The following MIB1 variants were observed in gnomAD, a reference collection of about 807,000 sequenced individuals.
MIB1 encodes MIB E3 ubiquitin protein ligase 1, also known as E3 ubiquitin-protein ligase MIB1.
Under a neutral mutation model 124.5 loss-of-function variants are expected in MIB1, and 278 were observed. That is an observed-to-expected ratio of 2.23 (90% CI 2.02 to 2.47). The LOEUF (loss-of-function observed/expected upper bound fraction) is 2.47. MIB1 is among the 30% of genes most tolerant of loss of function. The pLI, the probability that MIB1 is intolerant of heterozygous loss-of-function variation, is 0.00. For missense variants in MIB1, 957 were observed against 1,254.4 expected (o/e 0.76, Z 3.58); for synonymous variants, 446 against 429.4 (o/e 1.04, Z -0.48).
intron 1 of MIB1, among the ~76,000 whole-genome samples, chr18:21,726,282 G>C (rs2146361665): frequency 6.6e-6 from 1 of 152,188 alleles, no homozygotes; most frequent in South Asian, 2.1e-4. Flanking sequence ...GCTGGGCGTG[G>C]TGGCTCACAC....
intron 3 of MIB1, among the ~76,000 whole-genome samples, chr18:21,771,976 G>A (rs1298592866): frequency 1.3e-5 from 2 of 151,914 alleles, no homozygotes; most frequent in African/African-American, 4.8e-5. Flanking sequence ...CTCCAGCCTG[G>A]GTGACAAGAG....
Position 21,759,229 on chromosome 18 carries a change from GTA to G in MIB1, c.230-6531_230-6530del, listed in dbSNP as rs34993928. On this transcript the variant is annotated intron_variant, in intron 1 of 20. Transcript: ENST00000261537. ...TATACATATGTGTGTATATATATGT[GTA>G]TATATATATATGTATATATATATTT... Among the ~76,000 whole-genome samples the G allele has an allele frequency of 2.0e-3, 295 of 149,592 alleles. 5 individuals are homozygous for G. Among genetic ancestry groups the G allele is most frequent in the East Asian group, 5.5e-3 (28 of 5,134 alleles).
chr18:21,736,191 A>C (rs1049190660), upstream of MIB1, among the ~76,000 whole-genome samples: 28 of 152,210 alleles, frequency 1.8e-4, no homozygotes, highest in African/African-American at 2.4e-5. Flanking sequence ...ACAGACAGCA[A>C]TCTTTGCTGT....
chr18:21,772,992 G>A (rs1168523439), intron 3 of MIB1, among the ~76,000 whole-genome samples: 2 of 152,150 alleles, frequency 1.3e-5, no homozygotes, highest in South Asian at 2.1e-4. Context: ...CTTGCCGGGC[G>A]TAGTGGCTCA....
At chr18:21,850,221 A>G (rs547722236) in intron 17 of MIB1, among the ~76,000 whole-genome samples, 14 of 152,124 alleles carry the variant, frequency 9.2e-5, no homozygotes, top group African/African-American at 3.4e-4. Context: ...TAGTTTTTCA[A>G]TACTCAAATG....
intron 12 of MIB1, among the ~76,000 whole-genome samples, chr18:21,821,586 TTTTTTTTGTTTTTTTTG>T (rs1568215257): frequency 6.8e-6 from 1 of 147,038 alleles, no homozygotes; most frequent in African/African-American, 2.7e-5. Context: ...TCTGTGTGTG[TTTTTTTTGTTTTTTTTG>T]TTTTTTTTTT....
chr18:21,862,094 T>A (rs1029495321), intron 20 of MIB1, among the ~76,000 whole-genome samples: 3 of 152,162 alleles, frequency 2.0e-5, no homozygotes, highest in African/African-American at 7.2e-5. Context: ...AGAGATGATG[T>A]CTGTGTTGCC....
chr18:21,705,713 C>T (rs1395546884), intron 1 of MIB1, among the ~76,000 whole-genome samples: 1 of 152,148 alleles, frequency 6.6e-6, no homozygotes, highest in Non-Finnish European at 1.5e-5. Context: ...GGACATGAGA[C>T]GGACCAGAAG....
rs979137306 is a variant in MIB1 at position 21,866,966 on chromosome 18, C to T, written c.*2300C>T. The T allele has an allele frequency of 1.3e-5, 2 of 152,588 alleles. No individual in the cohort carries two copies. The highest frequency in any genetic ancestry group is 2.9e-5 in the Non-Finnish European group (2 of 68,034). The allele number at this position is 152,588 out of a possible 1,614,324, so 9.5% of individuals were successfully genotyped here. A position where few individuals can be genotyped will look rare whatever the true frequency, so the allele number is the denominator to read the frequency against. The stretch of plus-strand genomic sequence containing the variant: ...TCATTTCAGTGACTTTCCTCCAACT[C>T]TCTGAATCTGCTACCTCTTATTATA... On this transcript the variant is annotated 3_prime_UTR_variant, in exon 21 of 21. Coordinates refer to ENST00000261537, the MANE Select transcript of MIB1 (RefSeq NM_020774.4).
chr18:21,853,695 A>G (rs2042200742), intron 18 of MIB1, among the ~76,000 whole-genome samples: 1 of 152,070 alleles, frequency 6.6e-6, no homozygotes, highest in Non-Finnish European at 1.5e-5. Flanking sequence ...GCTTTTAGAA[A>G]TCTTTTCTTT....
In MIB1 at chr18:21,746,506, A is replaced by T. The variant is rs2040914668; in HGVS notation, c.229+4694A>T. ...CAAGAAGATTTTGGGACTATATGGG[A>T]TGTTATTTAATTAGTTTGGACTAAT... On this transcript the variant is annotated intron_variant, in intron 1 of 20. Transcript: ENST00000261537. 3.3e-5 allele frequency among the ~76,000 whole-genome samples: 5 copies of T among 152,110 alleles called. No individual in the cohort carries two copies. In the South Asian group the frequency reaches 1.0e-3, roughly 31 times the overall value.
At chr18:21,757,560 C>T (rs1343428967) in intron 1 of MIB1, among the ~76,000 whole-genome samples, 1 of 141,898 alleles carries the variant, frequency 7.0e-6, no homozygotes, top group Non-Finnish European at 1.5e-5. Flanking sequence ...TCTCGGCTCA[C>T]TGCAACCTCC....
At chr18:21,770,981 A>G (rs1237476834) in intron 3 of MIB1, among the ~76,000 whole-genome samples, 1 of 152,156 alleles carries the variant, frequency 6.6e-6, no homozygotes, top group African/African-American at 2.4e-5. Flanking sequence ...TTCAGGTTCA[A>G]TTTTATTTTG....
intron 3 of MIB1, among the ~76,000 whole-genome samples, chr18:21,773,205 A>G (rs1011314096): frequency 1.3e-5 from 2 of 152,174 alleles, no homozygotes; most frequent in Admixed American, 1.3e-4. Context: ...CGGAGGTTGC[A>G]TTGAGCCAGG....
intron 3 of MIB1, among the ~76,000 whole-genome samples, chr18:21,769,943 C>T (rs1243340384): frequency 6.6e-6 from 1 of 152,182 alleles, no homozygotes; most frequent in African/African-American, 2.4e-5. Context: ...GTGGCTCACG[C>T]CTGTAATCCC....
At chr18:21,707,818 ATGTT>A (rs2040646719) in intron 1 of MIB1, among the ~76,000 whole-genome samples, 1 of 152,194 alleles carries the variant, frequency 6.6e-6, no homozygotes, top group Admixed American at 6.5e-5. Flanking sequence ...ATCGAATAAA[ATGTT>A]TGTCTGAGCT....
At position 21,741,452 on chromosome 18, in the gene MIB1, C is replaced by T. The variant is rs2040849122; in HGVS notation, c.-132C>T. 2.3e-6 allele frequency: 1 copy of T among 441,526 alleles called. No homozygotes were observed. The allele number at this position is 441,526 out of a possible 1,614,324, so 27.4% of individuals were successfully genotyped here. A position where few individuals can be genotyped will look rare whatever the true frequency, so the allele number is the denominator to read the frequency against. On this transcript the variant is annotated 5_prime_UTR_variant, in exon 1 of 21. Coordinates refer to ENST00000261537, the MANE Select transcript of MIB1 (RefSeq NM_020774.4). This position sits in a 1 kb window ranked among gnomAD's most constrained non-coding sequence, Gnocchi z 5.4. ...CGCCGCCGCCCCCGTGAGTTATTCT[C>T]ACGTCCCCCGGGGCTCGCTGCCGCC... is the stretch of plus-strand genomic sequence containing the variant.
chr18:21,716,288 AC>A (rs2146355355), intron 1 of MIB1, among the ~76,000 whole-genome samples: 1 of 152,284 alleles, frequency 6.6e-6, no homozygotes, highest in South Asian at 2.1e-4. Flanking sequence ...AAGGAAAGAT[AC>A]AGTCTTTTTC....
chr18:21,802,620 A>C (rs917246972), intron 9 of MIB1, among the ~76,000 whole-genome samples: 1 of 152,120 alleles, frequency 6.6e-6, no homozygotes, highest in African/African-American at 2.4e-5. Context: ...TGCCTGCTTA[A>C]GTTTTTGTCT....
Sources: allele counts gnomAD v4.1 joint callset (sites outside exome capture counted in the v4.1 genomes callset), GRCh38; gene constraint gnomAD v4.1.1; non-coding constraint Gnocchi (gnomAD v3.1); transcripts MANE v1.5; gene names NCBI Gene and HGNC (gene_info 2026-07-23, HGNC 2026-07-21).